Variants in IQSEC3 observed in about 807,000 individuals in gnomAD.
The protein encoded by IQSEC3 is IQ motif and Sec7 domain ArfGEF 3, also known as IQ motif and SEC7 domain-containing protein 3.
In IQSEC3, 50 loss-of-function variants were observed where a neutral mutation model predicts 105.4. The ratio of observed to expected loss-of-function variants is 0.47; its 90% CI spans 0.38 to 0.60. The LOEUF is 0.60. IQSEC3 is among the 20% of genes least tolerant of loss of function. The pLI, the probability that IQSEC3 is intolerant of heterozygous loss-of-function variation, is 0.00. For missense variants in IQSEC3, 1,415 were observed against 1,630.0 expected (o/e 0.87, Z 2.27); for synonymous variants, 708 against 746.0 (o/e 0.95, Z 0.83).
At chr12:111,809 G>A (rs1302431767) in intron 2 of IQSEC3, 1 of 152,154 alleles carries the variant, frequency 6.6e-6, no homozygotes, top group Non-Finnish European at 1.5e-5. Context: ...TGCAGGCATG[G>A]AAATCCCCAT....
At chr12:103,403 C>T (rs1190715500) in intron 2 of IQSEC3, among the ~76,000 whole-genome samples, 1 of 79,420 alleles carries the variant, frequency 1.3e-5, no homozygotes, top group Non-Finnish European at 2.6e-5. Flanking sequence ...GCTCAGAAGA[C>T]GAAGTGGGGC....
At chr12:156,205 A>AC (rs1265732053) in intron 5 of IQSEC3, among the ~76,000 whole-genome samples, 1 of 151,826 alleles carries the variant, frequency 6.6e-6, no homozygotes, top group Admixed American at 6.6e-5. Context: ...TCACAGGCAA[A>AC]CCCCCCAGGG....
chr12:139,263 T>C lies in IQSEC3; in HGVS notation c.1900T>C (p.Cys634Arg). Residue 634 changes from cysteine to arginine, a missense_variant, in exon 4 of 14, where the codon TGC becomes CGC. By Grantham distance (180) the Cys-to-Arg change is radical. Around this residue, in one of 6 missense-constraint regions of IQSEC3, gnomAD observed 213 missense variants for 306.2 expected, o/e 0.70. Transcript: ENST00000538872. ...GATCCTGAGCCTGCCGCGCTACCAC[T>C]GCGAGAACCCAGCCAGCTGCAAGTC... ...AMILSLPRYH[C>R]ENPASCKSPT... is the part of the protein sequence containing the mutation. 2 of 1,608,178 alleles carry C rather than the reference T, an allele frequency of 1.2e-6. No homozygotes were observed. Among genetic ancestry groups the C allele is most frequent in the South Asian group, 2.2e-5 (2 of 90,178 alleles).
intron 9 of IQSEC3, 148 bp from the exon 10 acceptor site, chr12:165,286 G>A (rs1361394764): frequency 6.0e-6 from 4 of 668,816 alleles, no homozygotes; most frequent in East Asian, 5.1e-5. Context: ...TTGGGATAGT[G>A]TGTGCACATA....
At position 165,865 on chromosome 12, in the gene IQSEC3, G is replaced by A. The variant is rs370969836; in HGVS notation, c.2946G>A (p.Thr982=). The change falls in exon 11 of 14, where the codon ACG becomes ACA. Residue 982 remains threonine (T), a synonymous_variant. Transcript: ENST00000538872. ...TGAAGGAGTCCATTGCTGAGGTGAC[G>A]GAGCTGGAGCAGATCCGAATAGAGT... The part of the protein sequence containing the change: ...EDLKESIAEV[T]ELEQIRIEWE... 9.3e-6 allele frequency: 15 copies of A among 1,613,950 alleles called. No individual in the cohort carries two copies. The highest frequency in any genetic ancestry group is 3.3e-5 in the South Asian group (3 of 91,078).
intron 3 of IQSEC3, among the ~76,000 whole-genome samples, chr12:126,469 A>G (rs544243253): frequency 6.6e-6 from 1 of 152,034 alleles, no homozygotes; most frequent in African/African-American, 2.4e-5. Context: ...AAAGTGGCCA[A>G]TTGTGGGGCC....
chr12:88,750 G>A (rs1184919034), intron 1 of IQSEC3, among the ~76,000 whole-genome samples: 1 of 152,142 alleles, frequency 6.6e-6, no homozygotes, highest in Non-Finnish European at 1.5e-5. Context: ...AGTGAGCAAA[G>A]GAAATCTACC....
At chr12:70,684 CTTCA>C (rs1451991677) in intron 1 of IQSEC3, among the ~76,000 whole-genome samples, 2 of 152,288 alleles carry the variant, frequency 1.3e-5, no homozygotes, top group Admixed American at 1.3e-4. Context: ...AAGTGGCTGG[CTTCA>C]GTGGCTTCTA....
intron 2 of IQSEC3, among the ~76,000 whole-genome samples, chr12:109,573 T>A (rs1447237815): frequency 6.6e-6 from 1 of 151,868 alleles, no homozygotes; most frequent in Non-Finnish European, 1.5e-5. Context: ...CCACTATTCC[T>A]CAGGCAGCCT....
chr12:127,229 C>G (rs1555083780), intron 3 of IQSEC3, among the ~76,000 whole-genome samples: 1 of 152,166 alleles, frequency 6.6e-6, no homozygotes, highest in African/African-American at 2.4e-5. Flanking sequence ...TTTGTAAAAA[C>G]CTCATCAGGG....
intron 1 of IQSEC3, among the ~76,000 whole-genome samples, chr12:79,112 G>T (rs1386901659): frequency 2.0e-5 from 3 of 152,144 alleles, no homozygotes; most frequent in African/African-American, 7.2e-5. Flanking sequence ...ATGGTTCTGC[G>T]GGTGGCCCTG....
At chr12:125,981 A>ACC in intron 3 of IQSEC3, 69 bp downstream of exon 3, 6 of 1,433,136 alleles carry the variant, frequency 4.2e-6, no homozygotes, top group Non-Finnish European at 5.6e-6. Context: ...TGTCGAGGGT[A>ACC]CCAGGGATAT....
intron 2 of IQSEC3, among the ~76,000 whole-genome samples, chr12:121,274 T>G (rs574472034): frequency 7.7e-4 from 117 of 152,318 alleles, no homozygotes; most frequent in African/African-American, 2.7e-3. Context: ...TGGATTGAAG[T>G]AGATGGCCTT....
intron 1 of IQSEC3, among the ~76,000 whole-genome samples, chr12:90,666 T>C (rs1864055366): frequency 6.6e-6 from 1 of 152,198 alleles, no homozygotes; most frequent in Non-Finnish European, 1.5e-5. Context: ...CTTCTCTTTT[T>C]GTTCAATCTG....
intron 2 of IQSEC3, among the ~76,000 whole-genome samples, chr12:117,879 T>A (rs1865099969): frequency 6.6e-6 from 1 of 152,170 alleles, no homozygotes. Context: ...ATGGTGGCAA[T>A]CAAGGGGCCA....
chr12:120,920 C>T (rs1208486205), intron 2 of IQSEC3, among the ~76,000 whole-genome samples: 1 of 152,176 alleles, frequency 6.6e-6, no homozygotes, highest in Non-Finnish European at 1.5e-5. Context: ...GGTGCCCCAG[C>T]CCAGGGAGTA....
intron 13 of IQSEC3, among the ~76,000 whole-genome samples, chr12:172,107 G>A (rs1167184738): frequency 1.3e-5 from 2 of 152,022 alleles, no homozygotes; most frequent in African/African-American, 2.4e-5. Context: ...CCCTAACCTC[G>A]ACCCGGAGGG....
chr12:146,029 A>C (rs10848445), intron 5 of IQSEC3, among the ~76,000 whole-genome samples: 79,717 of 152,044 alleles, frequency 0.52, 21,133 homozygotes, highest in Admixed American at 0.57. Context: ...ATTCCAAGAC[A>C]TATCAGGGTT....
chr12:129,535 C>A (rs1555084406), intron 3 of IQSEC3, among the ~76,000 whole-genome samples: 2 of 152,180 alleles, frequency 1.3e-5, no homozygotes, highest in African/African-American at 4.8e-5. Flanking sequence ...CCCACCCCAG[C>A]AGTCCTGGGG....
Sources: gnomAD v4.1 joint callset for allele counts (sites outside exome capture counted in the v4.1 genomes callset) on GRCh38, gnomAD v4.1.1 for gene constraint, gnomAD v4.1.1 regional missense constraint, MANE v1.5 for transcripts, NCBI Gene and HGNC (gene_info 2026-07-23, HGNC 2026-07-21) for gene names.